OR6J1: variants seen among roughly 807,000 people sequenced by gnomAD.
OR6J1 encodes olfactory receptor family 6 subfamily J member 1.
For synonymous variants in OR6J1, 109 were observed against 70.0 expected, an observed-to-expected ratio of 1.56 and a Z score of -2.78; for missense variants, 304 against 166.8, an observed-to-expected ratio of 1.82 and a Z score of -4.53.
At chr14:22,638,935 C>A (rs1227341357) in intron 1 of OR6J1, among the ~76,000 whole-genome samples, 2 of 114,738 alleles carry the variant, frequency 1.7e-5, no homozygotes, top group African/African-American at 4.5e-5. Context: ...TCTGCCCGGC[C>A]GCCCATCGTC....
chr14:22,631,155 A>T lies in OR6J1; in HGVS notation c.*2613T>A, dbSNP rs1463743304. ...AGGACCACAGGACCAGGGTGAAATT[A>T]AAATTGCTAATGAAGTTTCGGGCAC... is the stretch of plus-strand genomic sequence containing the variant. On this transcript the variant is annotated 3_prime_UTR_variant, in exon 2 of 2. Transcript: ENST00000540461. 6.6e-6 allele frequency: 1 copy of T among 152,234 alleles called. No individual in the cohort carries two copies. The highest frequency in any genetic ancestry group is 1.5e-5 in the Non-Finnish European group (1 of 68,034). 9.4% of individuals were successfully genotyped at this position (152,234 alleles called of 1,614,324 possible).
At chr14:22,634,862 A>G (rs1215835992) in intron 1 of OR6J1, 24 bp from the exon 2 acceptor site, 1 of 619,564 alleles carries the variant, frequency 1.6e-6, no homozygotes, top group Non-Finnish European at 2.9e-6. Flanking sequence ...GGGAGATAAC[A>G]CTTAAGAGAG....
In OR6J1 at chr14:22,641,383, A is replaced by G. The variant is rs10133830; in HGVS notation, c.-28+2715T>C. Reference sequence around the variant, plus strand: ...AAAGAAAGGGGGGAGAGAAGAAAGAAAGAGAGAGAGAGAGAAAGGAAGGAT... The same window carrying G: ...AAAGAAAGGGGGGAGAGAAGAAAGAGAGAGAGAGAGAGAGAAAGGAAGGAT... On this transcript the variant is annotated intron_variant, in intron 1 of 1. Transcript: ENST00000540461. Among the ~76,000 whole-genome samples, 17 of 50,020 alleles carry G rather than the reference A, an allele frequency of 3.4e-4. 1 individual carries two copies. The East Asian group carries it at 4.9e-3, about 14-fold the overall frequency. 32.8% of individuals were successfully genotyped at this position (50,020 alleles called of 152,430 possible).
chr14:22,634,863 C>T (rs1471983162), intron 1 of OR6J1, 25 bp from the exon 2 acceptor site: 2 of 615,484 alleles, frequency 3.2e-6, no homozygotes, highest in Non-Finnish European at 5.8e-6. Context: ...GGAGATAACA[C>T]TTAAGAGAGT....
At chr14:22,641,262 A>AAAGG (rs1181906883) in intron 1 of OR6J1, among the ~76,000 whole-genome samples, 1 of 111,502 alleles carries the variant, frequency 9.0e-6, no homozygotes, top group Admixed American at 9.5e-5. Flanking sequence ...AGAAAGAAAG[A>AAAGG]AAGAAAGGAA....
chr14:22,641,210 TAAGAAAGAAAGAAAGAAAGAAAG>T lies in OR6J1; in HGVS notation c.-28+2865_-28+2887del, dbSNP rs1417381312. 7.6e-4 allele frequency among the ~76,000 whole-genome samples: 93 copies of T among 122,586 alleles called. 5 individuals carry two copies. The highest frequency in any genetic ancestry group is 2.8e-3 in the African/African-American group (91 of 32,168). 80.4% of individuals were successfully genotyped at this position (122,586 alleles called of 152,430 possible). On this transcript the variant is annotated intron_variant, in intron 1 of 1. Coordinates refer to ENST00000540461, the MANE Select transcript of OR6J1 (RefSeq NM_001348233.2). ...AGAGAGACAGAGAGGGAGAGAAAGA[TAAGAAAGAAAGAAAGAAAGAAAG>T]AAAGAAAGAAAGAAAGAAAGAAAGA... is the stretch of plus-strand genomic sequence containing the variant.
rs1340871830 is a variant in OR6J1 at position 22,634,179 on chromosome 14, G to T, written c.633C>A (p.Val211=). ...LSSMVILCCI[V]LVAYSYTYII... ...TGTACGTATAGGAATAGGCCACGAG[G>T]ACTATGCAGCAGAGGATGACCATGG... The change falls in exon 2 of 2, where the codon GTC becomes GTA. Residue 211 remains valine, a synonymous_variant. Coordinates refer to ENST00000540461, the MANE Select transcript of OR6J1 (RefSeq NM_001348233.2). 1.4e-6 allele frequency: 1 copy of T among 703,478 alleles called. No homozygotes were observed. The highest frequency in any genetic ancestry group is 2.6e-6 in the Non-Finnish European group (1 of 385,004). The allele number at this position is 703,478 out of a possible 1,614,324, so 43.6% of individuals were successfully genotyped here.
chr14:22,643,299 C>T (rs1368652554), intron 1 of OR6J1, among the ~76,000 whole-genome samples: 1 of 147,370 alleles, frequency 6.8e-6, no homozygotes, highest in Non-Finnish European at 1.5e-5. Context: ...AATAATTTTA[C>T]TTTTTTTATT....
intron 1 of OR6J1, among the ~76,000 whole-genome samples, chr14:22,638,674 AT>A (rs1341222970): frequency 0.71 from 78,096 of 109,884 alleles, 26,674 homozygotes; most frequent in African/African-American, 0.84. Context: ...TAAAAAAAAA[AT>A]AAAAAAAATT....
intron 1 of OR6J1, among the ~76,000 whole-genome samples, chr14:22,638,713 C>G (rs1305027958): frequency 6.6e-6 from 1 of 152,038 alleles, no homozygotes; most frequent in Non-Finnish European, 1.5e-5. Flanking sequence ...CCATTTTATA[C>G]CCACTATATT....
chr14:22,634,613 T>TA lies in OR6J1; in HGVS notation c.198dup (p.Ile67TyrfsTer21). On this transcript the variant is annotated frameshift_variant, in exon 2 of 2. Coordinates refer to ENST00000540461, the MANE Select transcript of OR6J1 (RefSeq NM_001348233.2). LOFTEE classifies it low-confidence loss of function (END_TRUNC). The stretch of plus-strand genomic sequence containing the variant: ...ACTGAGGTGAAGAGGATGTCCAGGA[T>TA]AGAGAGGTTGCACAAGAAGAAGTAC... 1.4e-6 allele frequency: 1 copy of TA among 731,978 alleles called. No individual in the cohort carries two copies. The highest frequency in any genetic ancestry group is 2.5e-6 in the Non-Finnish European group (1 of 397,566). 45.3% of individuals were successfully genotyped at this position (731,978 alleles called of 1,614,324 possible).
rs1370191697 is a variant in OR6J1 at position 22,639,399 on chromosome 14, G to A, written c.-27-4561C>T. Among the ~76,000 whole-genome samples the A allele has an allele frequency of 5.4e-5, 7 of 129,384 alleles. No homozygotes were observed. The South Asian group carries it at 1.2e-3, about 21-fold the overall frequency. 84.9% of individuals were successfully genotyped at this position (129,384 alleles called of 152,430 possible). ...CCCCGCCCGGCCAGCCGCCCCGTCC[G>A]GGAGGTGAGGGGCGCCTCTGCCCGG... On this transcript the variant is annotated intron_variant, in intron 1 of 1. Coordinates refer to ENST00000540461, the MANE Select transcript of OR6J1 (RefSeq NM_001348233.2).
intron 1 of OR6J1, among the ~76,000 whole-genome samples, chr14:22,640,303 GGAGGAGAGGGGAGGA>G (rs1182193333): frequency 1.6e-4 from 4 of 25,024 alleles, no homozygotes; most frequent in East Asian, 0.011. Flanking sequence ...GGAAGGGAGG[GGAGGAGAGGGGAGGA>G]GAGGAGAGGA....
chr14:22,643,070 C>T (rs1324001681), intron 1 of OR6J1, among the ~76,000 whole-genome samples: 4 of 150,474 alleles, frequency 2.7e-5, no homozygotes, highest in Admixed American at 1.3e-4. Context: ...CCGGTTCAAG[C>T]GATTCTCCAG....
chr14:22,640,819 C>G (rs61972443), intron 1 of OR6J1, among the ~76,000 whole-genome samples: 65,113 of 149,720 alleles, frequency 0.43, 17,409 homozygotes, highest in East Asian at 0.69. Context: ...CCACACCCAG[C>G]CTCTTCTTGA....
rs2037542026 is a variant in OR6J1, at chr14:22,631,071, T to TC, written c.*2696dup. 1 of 151,894 alleles carries TC rather than the reference T, an allele frequency of 6.6e-6. No homozygotes were observed. Among genetic ancestry groups the TC allele is most frequent in the Non-Finnish European group, 1.5e-5 (1 of 67,980 alleles). 9.4% of individuals were successfully genotyped at this position (151,894 alleles called of 1,614,324 possible). ...TACGAATAGGTGTGGGTCACAGAGG[T>TC]CACGTACTTTACAAAGTAATAGAAT... On this transcript the variant is annotated 3_prime_UTR_variant, in exon 2 of 2. Transcript: ENST00000540461.
At chr14:22,643,331 T>G (rs1437199359) in intron 1 of OR6J1, among the ~76,000 whole-genome samples, 1 of 151,912 alleles carries the variant, frequency 6.6e-6, no homozygotes, top group Non-Finnish European at 1.5e-5. Context: ...GGTCTCACTC[T>G]GTCACCCAGG....
intron 1 of OR6J1, among the ~76,000 whole-genome samples, chr14:22,639,070 G>A (rs1475716555): frequency 1.0e-5 from 1 of 96,274 alleles, no homozygotes; most frequent in East Asian, 2.6e-4. Flanking sequence ...TGAGAAGTGA[G>A]GAGACCCTCT....
chr14:22,631,491 C>G lies in OR6J1; in HGVS notation c.*2277G>C, dbSNP rs1391298610. The G allele has an allele frequency of 6.6e-6, 1 of 152,178 alleles. No individual in the cohort carries two copies. Among genetic ancestry groups the G allele is most frequent in the Non-Finnish European group, 1.5e-5 (1 of 68,042 alleles). The allele number at this position is 152,178 out of a possible 1,614,324, so 9.4% of individuals were successfully genotyped here. Reference sequence around the variant, plus strand: ...TATGGCTCTGTTCCCCCCGGCTCACCAGCGGTCAGAGTTTAAGGTTGTCTC... The same window carrying G: ...TATGGCTCTGTTCCCCCCGGCTCACGAGCGGTCAGAGTTTAAGGTTGTCTC... On this transcript the variant is annotated 3_prime_UTR_variant, in exon 2 of 2. Transcript: ENST00000540461.
Sources: allele counts gnomAD v4.1 joint callset (sites outside exome capture counted in the v4.1 genomes callset), GRCh38; gene constraint gnomAD v4.1.1; transcripts MANE v1.5; gene names NCBI Gene and HGNC (gene_info 2026-07-23, HGNC 2026-07-21).